Variants in NETO1 observed in about 807,000 individuals in gnomAD.
NETO1 encodes the protein neuropilin and tolloid like 1.
NETO1 carries 26 observed loss-of-function variants against 61.3 expected under a neutral mutation model. The ratio of observed to expected loss-of-function variants is 0.42; its 90% CI spans 0.31 to 0.59. NETO1 has a LOEUF of 0.59. Among genes scored for constraint, NETO1 ranks in the 20% least tolerant of loss-of-function variants. NETO1 has a pLI of 0.12. For synonymous variants in NETO1, 225 were observed against 225.8 expected (o/e 1.00, Z 0.03); for missense variants, 531 against 662.8 (o/e 0.80, Z 2.18).
chr18:72,779,794 C>T (rs2071676101), intron 7 of NETO1, among the ~76,000 whole-genome samples: 1 of 152,166 alleles, frequency 6.6e-6, no homozygotes. Context: ...TGGGTTACTA[C>T]AGCAAACTAC....
chr18:72,807,879 A>G (rs2072731261), intron 4 of NETO1, among the ~76,000 whole-genome samples: 1 of 152,076 alleles, frequency 6.6e-6, no homozygotes, highest in Non-Finnish European at 1.5e-5. Flanking sequence ...GCAACCAGGG[A>G]CGCTCTTGAT....
At chr18:72,850,258 G>A (rs2074209716) in intron 4 of NETO1, among the ~76,000 whole-genome samples, 1 of 150,828 alleles carries the variant, frequency 6.6e-6, no homozygotes, top group Non-Finnish European at 1.5e-5. Flanking sequence ...TTAGCATAGT[G>A]GATCAATAAA....
chr18:72,849,452 C>A (rs2074186660), intron 4 of NETO1, among the ~76,000 whole-genome samples: 1 of 152,182 alleles, frequency 6.6e-6, no homozygotes, highest in African/African-American at 2.4e-5. Flanking sequence ...ATGCTTCTCA[C>A]TTCCTTCTGT....
chr18:72,796,201 G>T (rs966141678), intron 4 of NETO1, among the ~76,000 whole-genome samples: 1 of 152,194 alleles, frequency 6.6e-6, no homozygotes, highest in African/African-American at 2.4e-5. Context: ...ATCTAAGTGC[G>T]TTTCTTTGTA....
Position 72,747,991 on chromosome 18 carries a change from C to T in NETO1, c.*188G>A, listed in dbSNP as rs969629053. ...CACTTGGTGGCCAGCAACCAAATTA[C>T]GAAATGAACATATCAGTGTGCAGCG... On this transcript the variant is annotated 3_prime_UTR_variant, in exon 11 of 11. Transcript: ENST00000327305. 2.9e-5 allele frequency: 9 copies of T among 310,586 alleles called. No individual in the cohort carries two copies. Among genetic ancestry groups the T allele is most frequent in the African/African-American group, 9.0e-5 (4 of 44,248 alleles). 19.2% of individuals were successfully genotyped at this position (310,586 alleles called of 1,614,324 possible). A position where few individuals can be genotyped will look rare whatever the true frequency, so the allele number is the denominator to read the frequency against.
chr18:72,830,395 C>A lies in NETO1; in HGVS notation c.469+28431G>T, dbSNP rs1568235929. Among the ~76,000 whole-genome samples the A allele has an allele frequency of 5.3e-5, 8 of 152,126 alleles. No individual in the cohort carries two copies. In the South Asian group the frequency reaches 1.4e-3, roughly 28 times the overall value. On this transcript the variant is annotated intron_variant, in intron 4 of 10. Transcript: ENST00000327305. This position sits in a 1 kb window ranked among gnomAD's most constrained non-coding sequence, Gnocchi z 4.9. ...CACAACTTCAGAGACATCAGTAGCG[C>A]CACATGTGTTTTCAGAAAAATTTTG...
intron 7 of NETO1, among the ~76,000 whole-genome samples, chr18:72,779,889 A>G (rs901156026): frequency 6.6e-6 from 1 of 152,138 alleles, no homozygotes; most frequent in African/African-American, 2.4e-5. Flanking sequence ...GTGCTGGCAG[A>G]TTTGGTGTCT....
At chr18:72,797,307 T>C (rs2072349867) in intron 4 of NETO1, among the ~76,000 whole-genome samples, 1 of 152,206 alleles carries the variant, frequency 6.6e-6, no homozygotes, top group Non-Finnish European at 1.5e-5. Flanking sequence ...TTCTGGGAAC[T>C]GAAAATTTAT....
At chr18:72,857,390 T>C (rs945221611) in intron 4 of NETO1, among the ~76,000 whole-genome samples, 2 of 152,200 alleles carry the variant, frequency 1.3e-5, no homozygotes, top group African/African-American at 2.4e-5. Flanking sequence ...ACCATTTATG[T>C]CATCTCAAAT....
chr18:72,823,630 G>A (rs2073281119), intron 4 of NETO1, among the ~76,000 whole-genome samples: 1 of 152,146 alleles, frequency 6.6e-6, no homozygotes, highest in Admixed American at 6.5e-5. Context: ...GCCAGGGTCA[G>A]AAAATTCCCC....
chr18:72,845,362 G>A (rs2074051780), intron 4 of NETO1, among the ~76,000 whole-genome samples: 2 of 151,984 alleles, frequency 1.3e-5, no homozygotes, highest in African/African-American at 4.8e-5. Context: ...TTCCACCTCA[G>A]ACAACCTAGC....
At chr18:72,808,304 G>A (rs1049269455) in intron 4 of NETO1, among the ~76,000 whole-genome samples, 1 of 152,124 alleles carries the variant, frequency 6.6e-6, no homozygotes, top group Admixed American at 6.5e-5. Flanking sequence ...TGAGTGTCTA[G>A]GAATAACGAA....
At chr18:72,781,711 T>G (rs569362805) in intron 7 of NETO1, among the ~76,000 whole-genome samples, 4 of 152,342 alleles carry the variant, frequency 2.6e-5, no homozygotes, top group Admixed American at 2.6e-4. Flanking sequence ...TTTACGAATT[T>G]AAAACAGTAT....
intron 7 of NETO1, among the ~76,000 whole-genome samples, chr18:72,768,180 A>T (rs2145163333): frequency 6.6e-6 from 1 of 152,338 alleles, no homozygotes; most frequent in Middle Eastern, 3.4e-3. Context: ...TTATTTTAAA[A>T]TTTCAAACAC....
chr18:72,777,440 A>C (rs1394341530), intron 7 of NETO1, among the ~76,000 whole-genome samples: 3 of 134,766 alleles, frequency 2.2e-5, no homozygotes, highest in Admixed American at 7.4e-5. Context: ...ACAAAACAAC[A>C]ACAAAAAAAA....
intron 4 of NETO1, chr18:72,834,705 T>C (rs955661390): frequency 1.0e-6 from 1 of 985,044 alleles, no homozygotes; most frequent in African/African-American, 1.7e-5. Context: ...CGAATAATAA[T>C]ACGCTCTCTT....
chr18:72,844,398 A>G lies in NETO1; in HGVS notation c.469+14428T>C, dbSNP rs773798662. ...CATTCTGATACATCGCACTCTTCCA[A>G]TGGAGGTCTCAAACATCACTATTCA... On this transcript the variant is annotated intron_variant, in intron 4 of 10. Coordinates refer to ENST00000327305, the MANE Select transcript of NETO1 (RefSeq NM_138966.5). 4.6e-5 allele frequency among the ~76,000 whole-genome samples: 7 copies of G among 152,266 alleles called. No homozygotes were observed. The South Asian group carries it at 6.2e-4, about 14-fold the overall frequency.
At chr18:72,774,910 A>G (rs1237645588) in intron 7 of NETO1, among the ~76,000 whole-genome samples, 1 of 152,200 alleles carries the variant, frequency 6.6e-6, no homozygotes, top group Non-Finnish European at 1.5e-5. Flanking sequence ...CCTACCATCT[A>G]GTCAAGAAGA....
Position 72,846,419 on chromosome 18 carries a change from C to T in NETO1, c.469+12407G>A, listed in dbSNP as rs1025552273. On this transcript the variant is annotated intron_variant, in intron 4 of 10. Transcript: ENST00000327305. Reference sequence around the variant, plus strand: ...ACTGGGGAGGCTGAGGCAGGAGAATCGCTTGAACCTGGGAGGCGGAGGTTG... The same window carrying T: ...ACTGGGGAGGCTGAGGCAGGAGAATTGCTTGAACCTGGGAGGCGGAGGTTG... 5.6e-5 allele frequency among the ~76,000 whole-genome samples: 8 copies of T among 141,724 alleles called. 1 individual carries two copies. The highest frequency in any genetic ancestry group is 7.8e-5 in the African/African-American group (3 of 38,326). 93.0% of individuals were successfully genotyped at this position (141,724 alleles called of 152,430 possible).
Sources: gnomAD v4.1 joint callset for allele counts (sites outside exome capture counted in the v4.1 genomes callset) on GRCh38, gnomAD v4.1.1 for gene constraint, Gnocchi (gnomAD v3.1) non-coding constraint, MANE v1.5 for transcripts, NCBI Gene and HGNC (gene_info 2026-07-23, HGNC 2026-07-21) for gene names.